Variants in MAPK13 observed in about 807,000 individuals in gnomAD.
The protein encoded by MAPK13 is mitogen-activated protein kinase 13.
MAPK13 carries 39 observed loss-of-function variants against 53.5 expected under a neutral mutation model. The observed-to-expected ratio is 0.73, with a 90% CI of 0.56 to 0.95. The LOEUF is 0.95. Among genes scored for constraint, MAPK13 ranks in the 40% least tolerant of loss-of-function variants. The pLI, the probability that MAPK13 is intolerant of heterozygous loss-of-function variation, is 0.00. For missense variants in MAPK13, 460 were observed against 471.8 expected (o/e 0.98, Z 0.23); for synonymous variants, 179 against 190.9 (o/e 0.94, Z 0.51).
In MAPK13 at chr6:36,140,082, A is replaced by G. The variant is rs1171961221; in HGVS notation, c.*709A>G. 1 of 152,276 alleles carries G rather than the reference A, an allele frequency of 6.6e-6. No individual in the cohort carries two copies. Among genetic ancestry groups the G allele is most frequent in the East Asian group, 1.9e-4 (1 of 5,204 alleles). The allele number at this position is 152,276 out of a possible 1,614,324, so 9.4% of individuals were successfully genotyped here. On this transcript the variant is annotated 3_prime_UTR_variant, in exon 12 of 12. Transcript: ENST00000211287. The stretch of plus-strand genomic sequence containing the variant: ...TGGACATGAATTCCAGGGGGAAATG[A>G]TTCAACTCACTACAGACAGCTGGGA...
intron 8 of MAPK13, 58 bp from the exon 9 acceptor site, chr6:36,138,307 G>A (rs1766460865): frequency 3.7e-6 from 5 of 1,354,646 alleles, no homozygotes; most frequent in South Asian, 1.2e-5. Flanking sequence ...TGGGGTCGCA[G>A]GAAGGGCAGT....
At chr6:36,134,631 C>T (rs1384651361) in intron 3 of MAPK13, among the ~76,000 whole-genome samples, 1 of 152,136 alleles carries the variant, frequency 6.6e-6, no homozygotes, top group Non-Finnish European at 1.5e-5. Flanking sequence ...TTCCCGGCCT[C>T]AAGTGATCCT....
Position 36,138,942 on chromosome 6 carries a change from C to T in MAPK13, c.905C>T (p.Ala302Val), listed in dbSNP as rs1766477763. 2 of 1,613,638 alleles carry T rather than the reference C, an allele frequency of 1.2e-6. No individual in the cohort carries two copies. Among genetic ancestry groups the T allele is most frequent in the South Asian group, 2.2e-5 (2 of 91,048 alleles). The stretch of plus-strand genomic sequence containing the variant: ...GACAAGCGCCTGACGGCCGCGCAGG[C>T]CCTCACCCATCCCTTCTTTGAACCC... ...DVDKRLTAAQ[A>V]LTHPFFEPFR... Residue 302 changes from alanine to valine, a missense_variant, in exon 11 of 12, where the codon GCC becomes GTC. Coordinates refer to ENST00000211287, the MANE Select transcript of MAPK13 (RefSeq NM_002754.5).
rs1229022217 is a variant in MAPK13 at position 36,130,854 on chromosome 6, C to T, written c.119+153C>T. 1.9e-6 allele frequency: 1 copy of T among 518,488 alleles called. No homozygotes were observed. Among genetic ancestry groups the T allele is most frequent in the Non-Finnish European group, 3.4e-6 (1 of 293,566 alleles). 32.1% of individuals were successfully genotyped at this position (518,488 alleles called of 1,614,324 possible). ...CCGGGGCCACCCAGCGGCCATCTCCCTTTTCTCACCGAGTGGCTGAGTGAG... is the reference window on the plus strand; with the variant it reads ...CCGGGGCCACCCAGCGGCCATCTCCTTTTTCTCACCGAGTGGCTGAGTGAG... On this transcript the variant is annotated intron_variant, in intron 1 of 11. Coordinates refer to ENST00000211287, the MANE Select transcript of MAPK13 (RefSeq NM_002754.5). This position sits in a 1 kb window ranked among gnomAD's most constrained non-coding sequence, Gnocchi z 4.5.
chr6:36,142,540 T>C lies in MAPK13; in HGVS notation c.*3167T>C, dbSNP rs1432775929. The stretch of plus-strand genomic sequence containing the variant: ...GGCCTCCCCTTCCCATTGCCCACTG[T>C]GAGCAAATACCTGTGCGTGAATGAA... On this transcript the variant is annotated 3_prime_UTR_variant, in exon 12 of 12. Coordinates refer to ENST00000211287, the MANE Select transcript of MAPK13 (RefSeq NM_002754.5). This position sits in a 1 kb window ranked among gnomAD's most constrained non-coding sequence, Gnocchi z 4.4. 6.6e-6 allele frequency: 1 copy of C among 152,296 alleles called. No individual in the cohort carries two copies. Among genetic ancestry groups the C allele is most frequent in the Non-Finnish European group, 1.5e-5 (1 of 68,096 alleles). The allele number at this position is 152,296 out of a possible 1,614,324, so 9.4% of individuals were successfully genotyped here.
chr6:36,136,475 T>G lies in MAPK13; in HGVS notation c.448-9T>G. ...TCAGCCTAGCATGCATTCTCTGTCCTCCCCCCAGGACCTGAAGCCAGGCAA... is the reference window on the plus strand; with the variant it reads ...TCAGCCTAGCATGCATTCTCTGTCCGCCCCCCAGGACCTGAAGCCAGGCAA... On this transcript the variant is annotated splice_polypyrimidine_tract_variant and intron_variant, in intron 5 of 11. Transcript: ENST00000211287. The G allele has an allele frequency of 6.3e-7, 1 of 1,584,414 alleles. No individual in the cohort carries two copies. The highest frequency in any genetic ancestry group is 2.2e-5 in the East Asian group (1 of 44,784).
Position 36,130,765 on chromosome 6 carries a change from C to A in MAPK13, c.119+64C>A. 1 of 895,598 alleles carries A rather than the reference C, an allele frequency of 1.1e-6. No individual in the cohort carries two copies. Among genetic ancestry groups the A allele is most frequent in the Non-Finnish European group, 1.6e-6 (1 of 608,056 alleles). 55.5% of individuals were successfully genotyped at this position (895,598 alleles called of 1,614,324 possible). A position where few individuals can be genotyped will look rare whatever the true frequency, so the allele number is the denominator to read the frequency against. On this transcript the variant is annotated intron_variant, in intron 1 of 11. Transcript: ENST00000211287. The surrounding 1 kb of genome is among the most constrained non-coding windows in gnomAD (Gnocchi z 4.5). The stretch of plus-strand genomic sequence containing the variant: ...CCAGGCTCTCCCCTTTCCGCCCAGC[C>A]CGCCCTGGGCTGGCCCCTCGCCAGC...
rs1323934881 is a variant in MAPK13 at position 36,139,415 on chromosome 6, G to A, written c.*42G>A. The stretch of plus-strand genomic sequence containing the variant: ...GCACCGCCGGCCAGACACTGCCCAA[G>A]GACCAGTATTTGTCACTACCAAACT... On this transcript the variant is annotated 3_prime_UTR_variant, in exon 12 of 12. Transcript: ENST00000211287. 3 of 1,546,134 alleles carry A rather than the reference G, an allele frequency of 1.9e-6. No individual in the cohort carries two copies. Among genetic ancestry groups the A allele is most frequent in the Admixed American group, 1.7e-5 (1 of 59,854 alleles).
intron 3 of MAPK13, among the ~76,000 whole-genome samples, chr6:36,133,248 A>G (rs1367164149): frequency 1.3e-5 from 2 of 152,214 alleles, no homozygotes; most frequent in African/African-American, 4.8e-5. Flanking sequence ...CTGAATCTGG[A>G]CTGACCCTAC....
Position 36,130,736 on chromosome 6 carries a change from G to A in MAPK13, c.119+35G>A. 1 of 942,920 alleles carries A rather than the reference G, an allele frequency of 1.1e-6. No homozygotes were observed. 58.4% of individuals were successfully genotyped at this position (942,920 alleles called of 1,614,324 possible). On this transcript the variant is annotated intron_variant, in intron 1 of 11. Transcript: ENST00000211287. The surrounding 1 kb of genome is among the most constrained non-coding windows in gnomAD (Gnocchi z 4.5). ...CTGGGCCGCTGGGGGGCGGGGGGCG[G>A]GCGCCAGGCTCTCCCCTTTCCGCCC...
intron 4 of MAPK13, 50 bp from the exon 5 acceptor site, chr6:36,135,969 C>G: frequency 6.2e-7 from 1 of 1,612,564 alleles, no homozygotes; most frequent in Non-Finnish European, 8.5e-7. Flanking sequence ...CCTGAAGTGC[C>G]TGGTGTGGAA....
At chr6:36,137,681 G>A (rs1399005876) in intron 8 of MAPK13, among the ~76,000 whole-genome samples, 53 of 149,372 alleles carry the variant, frequency 3.5e-4, no homozygotes, top group Non-Finnish European at 5.6e-4. Flanking sequence ...AAAATGTTGG[G>A]TGGGCATGGT....
In MAPK13 at chr6:36,142,996, G is replaced by A. The variant is rs916609490; in HGVS notation, c.*3623G>A. The A allele has an allele frequency of 3.3e-5, 5 of 152,182 alleles. No homozygotes were observed. Among genetic ancestry groups the A allele is most frequent in the African/African-American group, 1.2e-4 (5 of 41,362 alleles). 9.4% of individuals were successfully genotyped at this position (152,182 alleles called of 1,614,324 possible). ...TCCTGCTGTGGGGGGCAGAGGAGCT[G>A]GCGGGGCGAGGGAGGGGGAGATGTG... On this transcript the variant is annotated 3_prime_UTR_variant, in exon 12 of 12. Transcript: ENST00000211287. The surrounding 1 kb of genome is among the most constrained non-coding windows in gnomAD (Gnocchi z 4.4).
chr6:36,132,568 G>A, intron 2 of MAPK13, 53 bp from the exon 3 acceptor site: 2 of 1,546,006 alleles, frequency 1.3e-6, no homozygotes, highest in Non-Finnish European at 8.9e-7. Context: ...CCAGGAGGAG[G>A]TGGGAGGAGA....
chr6:36,138,315 A>G (rs1269201055), intron 8 of MAPK13, 50 bp from the exon 9 acceptor site: 2 of 1,417,522 alleles, frequency 1.4e-6, no homozygotes, highest in African/African-American at 2.8e-5. Context: ...CAGGAAGGGC[A>G]GTCTCAGACC....
At position 36,132,618 on chromosome 6, in the gene MAPK13, C is replaced by T. The variant is rs767213695; in HGVS notation, c.250-3C>T. On this transcript the variant is annotated splice_polypyrimidine_tract_variant and splice_region_variant and intron_variant, in intron 2 of 11. Transcript: ENST00000211287. ...TAGCCCTCACAGGTGACTTCTTCCC[C>T]AGGTCATTGGGCTCCTGGATGTCTT... The T allele has an allele frequency of 6.2e-7, 1 of 1,614,132 alleles. No homozygotes were observed. Among genetic ancestry groups the T allele is most frequent in the Non-Finnish European group, 8.5e-7 (1 of 1,179,974 alleles).
chr6:36,136,389 G>A, intron 5 of MAPK13, 95 bp from the exon 6 acceptor site: 1 of 1,059,828 alleles, frequency 9.4e-7, no homozygotes. Flanking sequence ...GAAGGGGAAG[G>A]GGCCTGGCTG....
Position 36,142,251 on chromosome 6 carries a change from C to T in MAPK13, c.*2878C>T, listed in dbSNP as rs1343696547. Reference sequence around the variant, plus strand: ...TTTAATCCAGAACTTCCCAGATGTACTTAACCGCAGGACCCATTTTCTCCC... The same window carrying T: ...TTTAATCCAGAACTTCCCAGATGTATTTAACCGCAGGACCCATTTTCTCCC... On this transcript the variant is annotated 3_prime_UTR_variant, in exon 12 of 12. Transcript: ENST00000211287. This position sits in a 1 kb window ranked among gnomAD's most constrained non-coding sequence, Gnocchi z 4.4. The T allele has an allele frequency of 6.6e-6, 1 of 152,448 alleles. No individual in the cohort carries two copies. The highest frequency in any genetic ancestry group is 2.4e-5 in the African/African-American group (1 of 41,470). 9.4% of individuals were successfully genotyped at this position (152,448 alleles called of 1,614,324 possible).
rs1189163946 is a variant in MAPK13, at chr6:36,136,531, G to A, written c.495G>A (p.Lys165=). The change falls in exon 6 of 12, where the codon AAG becomes AAA. Residue 165 remains lysine (K), a splice_region_variant and synonymous_variant. Transcript: ENST00000211287. ...CTGTGAATGAGGACTGTGAACTGAA[G>A]GTGAGTGGGCTGCAGGCTCAGCCCA... ...NLAVNEDCEL[K]ILDFGLARHA... 4 of 1,604,616 alleles carry A rather than the reference G, an allele frequency of 2.5e-6. No homozygotes were observed. Among genetic ancestry groups the A allele is most frequent in the Admixed American group, 1.7e-5 (1 of 58,872 alleles).
Sources: allele counts gnomAD v4.1 joint callset (sites outside exome capture counted in the v4.1 genomes callset), GRCh38; gene constraint gnomAD v4.1.1; non-coding constraint Gnocchi (gnomAD v3.1); transcripts MANE v1.5; gene names NCBI Gene and HGNC (gene_info 2026-07-23, HGNC 2026-07-21).